Variants in STK38 observed in about 807,000 individuals in gnomAD.
The protein encoded by STK38 is serine/threonine kinase 38.
A neutral mutation model predicts 59.0 loss-of-function variants in STK38; 26 were observed. That is an observed-to-expected ratio of 0.44 (90% CI 0.32 to 0.61). STK38 has a LOEUF of 0.61. Among genes scored for constraint, STK38 ranks in the 20% least tolerant of loss-of-function variants. The pLI is 0.04. For synonymous variants in STK38, 175 were observed against 176.6 expected (o/e 0.99, Z 0.07); for missense variants, 433 against 566.0 (o/e 0.76, Z 2.38).
chr6:36,526,157 G>A (rs1298621850), intron 2 of STK38, among the ~76,000 whole-genome samples: 11 of 150,896 alleles, frequency 7.3e-5, no homozygotes, highest in African/African-American at 2.7e-4. Flanking sequence ...TTAAAAGACT[G>A]TCTAAGATGT....
At position 36,503,697 on chromosome 6, in the gene STK38, C is replaced by T. The variant is rs1349827924; in HGVS notation, c.834+2886G>A. On this transcript the variant is annotated intron_variant, in intron 9 of 13. Transcript: ENST00000229812. ...CATTATAAAACCAGAGGTCTACTGC[C>T]AGAGGAAAAGAACTCCTTCAAGATA... 2.0e-5 allele frequency among the ~76,000 whole-genome samples: 3 copies of T among 152,028 alleles called. No individual in the cohort carries two copies. The East Asian group carries it at 5.8e-4, about 29-fold the overall frequency.
intron 1 of STK38, among the ~76,000 whole-genome samples, chr6:36,544,621 C>T (rs1249672075): frequency 6.6e-6 from 1 of 152,164 alleles, no homozygotes; most frequent in Non-Finnish European, 1.5e-5. Context: ...CACTGGTGCA[C>T]CCCTGTAATC....
rs138684015 is a variant in STK38 at position 36,528,095 on chromosome 6, C to T, written c.132-2453G>A. On this transcript the variant is annotated intron_variant, in intron 2 of 13. Transcript: ENST00000229812. ...CTGCACTCTAGCCTCGGTAACAGAGCGAGACTCCATCTCAAAAAAAAAAAA... is the reference window on the plus strand; with the variant it reads ...CTGCACTCTAGCCTCGGTAACAGAGTGAGACTCCATCTCAAAAAAAAAAAA... 1.5e-4 allele frequency among the ~76,000 whole-genome samples: 22 copies of T among 150,594 alleles called. No individual in the cohort carries two copies. The East Asian group carries it at 3.9e-3, about 27-fold the overall frequency.
chr6:36,520,990 G>A (rs149276107), intron 5 of STK38, among the ~76,000 whole-genome samples: 13 of 151,976 alleles, frequency 8.6e-5, no homozygotes, highest in African/African-American at 2.4e-4. Flanking sequence ...GGACATTTGC[G>A]GTCATCACCC....
chr6:36,527,556 GA>G (rs72170586), intron 2 of STK38, among the ~76,000 whole-genome samples: 13 of 145,610 alleles, frequency 8.9e-5, no homozygotes, highest in East Asian at 8.0e-4. Context: ...CTGCCTCAAA[GA>G]AAAAAAAAAC....
intron 2 of STK38, among the ~76,000 whole-genome samples, chr6:36,527,317 C>CATAT (rs1423584810): frequency 2.4e-5 from 2 of 84,024 alleles, no homozygotes; most frequent in South Asian, 3.4e-4. Flanking sequence ...CGTATATATA[C>CATAT]ACACATATAT....
At chr6:36,519,327 G>A (rs902216030) in intron 5 of STK38, among the ~76,000 whole-genome samples, 9 of 152,102 alleles carry the variant, frequency 5.9e-5, no homozygotes, top group Admixed American at 4.6e-4. Context: ...AAGCTTTTGG[G>A]AAACAGTAAC....
At chr6:36,500,718 C>T (rs1776817089) in intron 9 of STK38, among the ~76,000 whole-genome samples, 1 of 146,966 alleles carries the variant, frequency 6.8e-6, no homozygotes, top group Non-Finnish European at 1.5e-5. Flanking sequence ...CGAGATCGTG[C>T]CACTGCACTC....
At chr6:36,533,298 C>T (rs1777711481) in intron 2 of STK38, among the ~76,000 whole-genome samples, 1 of 152,084 alleles carries the variant, frequency 6.6e-6, no homozygotes, top group South Asian at 2.1e-4. Context: ...CAGGTGCACA[C>T]CACCACACGT....
intron 7 of STK38, among the ~76,000 whole-genome samples, chr6:36,508,928 G>A (rs1481019989): frequency 1.3e-5 from 2 of 152,232 alleles, no homozygotes; most frequent in Non-Finnish European, 2.9e-5. Flanking sequence ...TCTGGACGAG[G>A]GGAATGCAGT....
At chr6:36,534,860 A>C (rs1777750204) in intron 2 of STK38, among the ~76,000 whole-genome samples, 1 of 152,092 alleles carries the variant, frequency 6.6e-6, no homozygotes, top group African/African-American at 2.4e-5. Flanking sequence ...AAAAAGGTGA[A>C]TAGATTGAAA....
At chr6:36,509,814 G>T (rs778002679) in intron 7 of STK38, among the ~76,000 whole-genome samples, 1 of 152,026 alleles carries the variant, frequency 6.6e-6, no homozygotes, top group African/African-American at 2.4e-5. Flanking sequence ...TCTATCGCTC[G>T]GTCGCAGTCT....
intron 2 of STK38, among the ~76,000 whole-genome samples, chr6:36,537,144 C>T (rs1333144159): frequency 6.6e-6 from 1 of 151,958 alleles, no homozygotes; most frequent in African/African-American, 2.4e-5. Context: ...GGAAGATGCA[C>T]AAATGGCCAA....
Position 36,525,607 on chromosome 6 carries a change from C to T in STK38, c.167G>A (p.Gly56Asp). ...KKLEKVMEEEGLKDEEKRLRR... is the reference protein window; with the variant it reads ...KKLEKVMEEEDLKDEEKRLRR... ...ATTAATTACCTCCTCATCTTTTAGG[C>T]CTTCTTCTTCCATCACCTTTTCTAA... The change falls in exon 3 of 14, where the codon GGC becomes GAC. Residue 56 changes from glycine to aspartate, a missense_variant. Transcript: ENST00000229812. The T allele has an allele frequency of 1.9e-6, 3 of 1,613,692 alleles. No homozygotes were observed. Among genetic ancestry groups the T allele is most frequent in the Non-Finnish European group, 2.5e-6 (3 of 1,179,732 alleles).
chr6:36,525,507 A>T, intron 3 of STK38, 84 bp downstream of exon 3: 1 of 1,300,120 alleles, frequency 7.7e-7, no homozygotes, highest in Non-Finnish European at 1.1e-6. Context: ...AACCCTTCTC[A>T]TGTGTACCAA....
At chr6:36,523,786 T>C (rs775857074) in intron 4 of STK38, among the ~76,000 whole-genome samples, 1 of 152,134 alleles carries the variant, frequency 6.6e-6, no homozygotes, top group Non-Finnish European at 1.5e-5. Flanking sequence ...TATAACTCCT[T>C]TCTGTAAATC....
chr6:36,503,881 G>A (rs1168428138), intron 9 of STK38, among the ~76,000 whole-genome samples: 1 of 152,128 alleles, frequency 6.6e-6, no homozygotes. Flanking sequence ...ATCTGTACCA[G>A]GTGTGCCCTT....
chr6:36,527,574 A>T (rs934726462), intron 2 of STK38, among the ~76,000 whole-genome samples: 2 of 151,916 alleles, frequency 1.3e-5, no homozygotes, highest in Non-Finnish European at 2.9e-5. Flanking sequence ...AAACCTTCAG[A>T]CATCAAACTT....
intron 9 of STK38, among the ~76,000 whole-genome samples, chr6:36,501,999 T>A (rs1252288408): frequency 1.3e-5 from 2 of 152,344 alleles, no homozygotes; most frequent in South Asian, 2.1e-4. Flanking sequence ...ACTTGAGGTA[T>A]CTTCCATGTC....
Sources: gnomAD v4.1 joint callset for allele counts (sites outside exome capture counted in the v4.1 genomes callset) on GRCh38, gnomAD v4.1.1 for gene constraint, MANE v1.5 for transcripts, NCBI Gene and HGNC (gene_info 2026-07-23, HGNC 2026-07-21) for gene names.